The following ASCC3 variants were observed in gnomAD, a reference collection of about 807,000 sequenced individuals.
ASCC3 encodes ASC-1 complex subunit P200.
ASCC3 carries 158 observed loss-of-function variants against 256.3 expected under a neutral mutation model. The ratio of observed to expected loss-of-function variants is 0.62; its 90% confidence interval spans 0.54 to 0.70. The LOEUF is 0.70. Among genes scored for constraint, ASCC3 ranks in the 30% least tolerant of loss-of-function variants. The pLI, the probability that ASCC3 is intolerant of heterozygous loss-of-function variation, is 0.00. For missense variants in ASCC3, 2,259 were observed against 2,626.0 expected (o/e 0.86, Z 3.05); for synonymous variants, 948 against 883.4 (o/e 1.07, Z -1.30).
chr6:100,559,966 G>A (rs984703262), intron 36 of ASCC3, among the ~76,000 whole-genome samples: 2 of 151,962 alleles, frequency 1.3e-5, no homozygotes, highest in Non-Finnish European at 1.5e-5. Flanking sequence ...AATAAGATAT[G>A]GGAAACAAGT....
At chr6:100,525,261 A>G (rs1774524092) in intron 37 of ASCC3, among the ~76,000 whole-genome samples, 1 of 151,786 alleles carries the variant, frequency 6.6e-6, no homozygotes, top group Non-Finnish European at 1.5e-5. Context: ...GTTCAAATTA[A>G]ATGACATGGG....
At chr6:100,610,578 A>G (rs1378719848) in intron 30 of ASCC3, among the ~76,000 whole-genome samples, 1 of 152,194 alleles carries the variant, frequency 6.6e-6, no homozygotes, top group Non-Finnish European at 1.5e-5. Flanking sequence ...TGACATACAC[A>G]TAAGAAATGT....
chr6:100,538,066 T>A (rs1228680311), intron 37 of ASCC3, among the ~76,000 whole-genome samples: 2 of 152,028 alleles, frequency 1.3e-5, no homozygotes. Flanking sequence ...TAAAAATGAA[T>A]CAATGAACTG....
chr6:100,538,846 T>A (rs1775295609), intron 37 of ASCC3, among the ~76,000 whole-genome samples: 1 of 151,904 alleles, frequency 6.6e-6, no homozygotes, highest in African/African-American at 2.4e-5. Flanking sequence ...TTGAAAATTT[T>A]AAAAATGGGT....
intron 36 of ASCC3, among the ~76,000 whole-genome samples, chr6:100,541,653 T>C (rs1775470097): frequency 6.6e-6 from 1 of 152,126 alleles, no homozygotes; most frequent in Non-Finnish European, 1.5e-5. Context: ...AGAAGATTTA[T>C]AGGAATACAA....
At position 100,568,582 on chromosome 6, in the gene ASCC3, T is replaced by C. The variant is rs145652774; in HGVS notation, c.5550+21052A>G. The stretch of plus-strand genomic sequence containing the variant: ...CTTCTTCAATTGCTTAAGATCCTTA[T>C]AGATTCTGGATTCTAGACCTTTCTT... On this transcript the variant is annotated intron_variant, in intron 36 of 41. Coordinates refer to ENST00000369162, the MANE Select transcript of ASCC3 (RefSeq NM_006828.4). Among the ~76,000 whole-genome samples, 935 of 151,906 alleles carry C rather than the reference T, an allele frequency of 6.2e-3. 9 individuals carry two copies. Among genetic ancestry groups the C allele is most frequent in the African/African-American group, 0.021 (887 of 41,490 alleles).
At chr6:100,756,409 T>G (rs976410120) in intron 10 of ASCC3, among the ~76,000 whole-genome samples, 4 of 152,080 alleles carry the variant, frequency 2.6e-5, no homozygotes, top group African/African-American at 9.7e-5. Context: ...GCGAGACTTA[T>G]GAGAAAAAAT....
At chr6:100,646,955 TCA>T (rs2114903121) in intron 21 of ASCC3, among the ~76,000 whole-genome samples, 186 bp from the exon 22 acceptor site, 1 of 152,304 alleles carries the variant, frequency 6.6e-6, no homozygotes, top group South Asian at 2.1e-4. Context: ...AATTAGCAAT[TCA>T]CAGTTTTTAA....
chr6:100,531,093 A>G, intron 37 of ASCC3: 1 of 1,234,450 alleles, frequency 8.1e-7, no homozygotes, highest in South Asian at 1.2e-5. Flanking sequence ...TCTGTACAAT[A>G]AATACAACAG....
At chr6:100,852,457 T>A (rs995781716) in intron 3 of ASCC3, among the ~76,000 whole-genome samples, 1 of 152,200 alleles carries the variant, frequency 6.6e-6, no homozygotes, top group Non-Finnish European at 1.5e-5. Flanking sequence ...ACATTAACTG[T>A]GAGAATCCTG....
In ASCC3 at chr6:100,727,755, T is replaced by A. The variant is rs187795726; in HGVS notation, c.1738-2052A>T. 8.1e-4 allele frequency among the ~76,000 whole-genome samples: 123 copies of A among 152,192 alleles called. No individual in the cohort carries two copies. The East Asian group carries it at 0.023, about 28-fold the overall frequency. ...ATTAGAGACAAAGATTAAAAATGAC[T>A]AATGTTATTAACGTGGCTTCACAAA... On this transcript the variant is annotated intron_variant, in intron 10 of 41. Coordinates refer to ENST00000369162, the MANE Select transcript of ASCC3 (RefSeq NM_006828.4).
intron 33 of ASCC3, among the ~76,000 whole-genome samples, chr6:100,605,114 A>G (rs1470303101): frequency 6.6e-6 from 1 of 152,158 alleles, no homozygotes; most frequent in Non-Finnish European, 1.5e-5. Context: ...CAACTGTACT[A>G]TGAAAACCCT....
chr6:100,535,285 T>C (rs1166650784), intron 37 of ASCC3, among the ~76,000 whole-genome samples: 1 of 152,120 alleles, frequency 6.6e-6, no homozygotes, highest in Non-Finnish European at 1.5e-5. Flanking sequence ...AGGCCAATAG[T>C]ACCCATGTTA....
At position 100,614,377 on chromosome 6, in the gene ASCC3, C is replaced by A. The variant is rs527787650; in HGVS notation, c.4786-7289G>T. On this transcript the variant is annotated intron_variant, in intron 30 of 41. Transcript: ENST00000369162. The stretch of plus-strand genomic sequence containing the variant: ...TTACCACAACTCTCAACAAAGAGAA[C>A]CTATAAGGTATAATTTCATGTTGCT... 1.4e-3 allele frequency among the ~76,000 whole-genome samples: 211 copies of A among 152,142 alleles called. 2 individuals carry two copies. The highest frequency in any genetic ancestry group is 4.6e-3 in the Admixed American group (71 of 15,274).
At chr6:100,630,205 C>G (rs1201606269) in intron 26 of ASCC3, among the ~76,000 whole-genome samples, 2 of 152,062 alleles carry the variant, frequency 1.3e-5, no homozygotes, top group Non-Finnish European at 2.9e-5. Flanking sequence ...AATTTCTAAT[C>G]TGTGTTAAGA....
chr6:100,836,814 CTATTACAAGGCCTT>C (rs1771899836), intron 4 of ASCC3, among the ~76,000 whole-genome samples: 1 of 151,988 alleles, frequency 6.6e-6, no homozygotes, highest in South Asian at 2.1e-4. Flanking sequence ...TTGAGTAGAA[CTATTACAAGGCCTT>C]TATTGGCAGA....
At chr6:100,728,104 G>T (rs1488143952) in intron 10 of ASCC3, among the ~76,000 whole-genome samples, 1 of 151,928 alleles carries the variant, frequency 6.6e-6, no homozygotes, top group East Asian at 1.9e-4. Context: ...AAACATTAAG[G>T]TGCACATATA....
chr6:100,551,591 T>C (rs17060721), intron 36 of ASCC3, among the ~76,000 whole-genome samples: 14,712 of 151,980 alleles, frequency 0.097, 1,144 homozygotes, highest in East Asian at 0.31. Flanking sequence ...TGATAGTGAG[T>C]CATAATCCAA....
chr6:100,743,651 TA>T (rs1359339061), intron 10 of ASCC3, among the ~76,000 whole-genome samples: 2 of 152,206 alleles, frequency 1.3e-5, no homozygotes, highest in African/African-American at 4.8e-5. Context: ...TTAACATTCT[TA>T]AATCTATATT....
Sources: gnomAD v4.1 joint callset for allele counts (sites outside exome capture counted in the v4.1 genomes callset) on GRCh38, gnomAD v4.1.1 for gene constraint, MANE v1.5 for transcripts, NCBI Gene and HGNC (gene_info 2026-07-23, HGNC 2026-07-21) for gene names.